Variants in TNS3 observed in about 807,000 individuals in gnomAD.
The protein encoded by TNS3 is tensin 3, also known as tensin-3.
Under a neutral mutation model 140.9 loss-of-function variants are expected in TNS3, and 45 were observed. The ratio of observed to expected loss-of-function variants is 0.32; its 90% CI spans 0.25 to 0.41. The LOEUF (loss-of-function observed/expected upper bound fraction) is 0.41, where lower values mean the gene tolerates loss of function less well. TNS3 is among the 10% of genes least tolerant of loss of function. The pLI, the probability that TNS3 is intolerant of heterozygous loss-of-function variation, is 1.00. For synonymous variants in TNS3, 815 were observed against 788.4 expected (o/e 1.03, Z -0.56); for missense variants, 1,716 against 1,906.7 (o/e 0.90, Z 1.86).
At chr7:47,570,403 C>T (rs1000613499) in intron 1 of TNS3, among the ~76,000 whole-genome samples, 1 of 152,230 alleles carries the variant, frequency 6.6e-6, no homozygotes, top group Non-Finnish European at 1.5e-5. Flanking sequence ...GGACATTTGT[C>T]ATCAACTTTC....
At chr7:47,398,695 G>GA (rs1792975546) in intron 15 of TNS3, among the ~76,000 whole-genome samples, 1 of 152,136 alleles carries the variant, frequency 6.6e-6, no homozygotes, top group Non-Finnish European at 1.5e-5. Context: ...AGCCATGTAT[G>GA]ACAAACCCAT....
chr7:47,564,097 A>G (rs1416322750), intron 1 of TNS3, among the ~76,000 whole-genome samples: 1 of 150,900 alleles, frequency 6.6e-6, no homozygotes, highest in Non-Finnish European at 1.5e-5. Context: ...AGGAGGCTGA[A>G]GCAGGAGAAT....
At chr7:47,516,416 T>C (rs1180889962) in intron 2 of TNS3, among the ~76,000 whole-genome samples, 4 of 150,772 alleles carry the variant, frequency 2.7e-5, no homozygotes, top group African/African-American at 9.8e-5. Context: ...CCTGCCTCTG[T>C]CCCATCTAAA....
chr7:47,354,272 G>C (rs1292794469), intron 17 of TNS3, among the ~76,000 whole-genome samples: 1 of 152,194 alleles, frequency 6.6e-6, no homozygotes, highest in Non-Finnish European at 1.5e-5. Flanking sequence ...TGTCACCTCT[G>C]GAAGGAGCTG....
chr7:47,320,087 G>T (rs1453925631), intron 20 of TNS3, among the ~76,000 whole-genome samples: 17 of 152,112 alleles, frequency 1.1e-4, no homozygotes, highest in Admixed American at 1.1e-3. Context: ...TTTTATCTTT[G>T]TTCAGAAAAC....
intron 20 of TNS3, among the ~76,000 whole-genome samples, chr7:47,320,229 C>T (rs1479219207): frequency 2.0e-5 from 3 of 152,120 alleles, no homozygotes; most frequent in Admixed American, 6.6e-5. Context: ...GTGAGGAGGC[C>T]GAGGCTTCAG....
chr7:47,567,721 G>T (rs1427850199), intron 1 of TNS3, among the ~76,000 whole-genome samples: 1 of 151,346 alleles, frequency 6.6e-6, no homozygotes, highest in African/African-American at 2.4e-5. Flanking sequence ...AGACACTTGG[G>T]TGTAAATCTG....
At chr7:47,557,243 C>T (rs1800219374) in intron 1 of TNS3, 2 of 418,234 alleles carry the variant, frequency 4.8e-6, no homozygotes, top group South Asian at 3.4e-5. Flanking sequence ...GCTGACTTTT[C>T]GTCTTTCCTC....
intron 3 of TNS3, among the ~76,000 whole-genome samples, chr7:47,498,510 TC>T: frequency 6.6e-6 from 1 of 152,368 alleles, no homozygotes; most frequent in African/African-American, 2.4e-5. Context: ...ATGTGTTGTT[TC>T]ATCTGTTACA....
intron 16 of TNS3, among the ~76,000 whole-genome samples, chr7:47,374,029 C>T (rs1017599769): frequency 2.0e-5 from 3 of 152,174 alleles, no homozygotes; most frequent in East Asian, 3.9e-4. Flanking sequence ...CCGTGAGAGG[C>T]GGGAGCAGGG....
At chr7:47,492,370 C>T (rs1016460605) in intron 3 of TNS3, among the ~76,000 whole-genome samples, 1 of 152,350 alleles carries the variant, frequency 6.6e-6, no homozygotes, top group East Asian at 1.9e-4. Flanking sequence ...GCACGGTAGA[C>T]TCCAGGGCCT....
chr7:47,418,375 T>C lies in TNS3; in HGVS notation c.474-3169A>G, dbSNP rs547109939. On this transcript the variant is annotated intron_variant, in intron 10 of 30. Transcript: ENST00000311160. ...CACAATTAGTTCATCCAGCTGACTATGGAAAGGATCAACTTTAACTTCGTA... is the reference window on the plus strand; with the variant it reads ...CACAATTAGTTCATCCAGCTGACTACGGAAAGGATCAACTTTAACTTCGTA... Among the ~76,000 whole-genome samples, 27 of 152,286 alleles carry C rather than the reference T, an allele frequency of 1.8e-4. No homozygotes were observed. In the South Asian group the frequency reaches 5.6e-3, roughly 32 times the overall value.
intron 4 of TNS3, among the ~76,000 whole-genome samples, chr7:47,462,409 C>CG (rs1796527593): frequency 6.6e-6 from 1 of 152,148 alleles, no homozygotes; most frequent in Non-Finnish European, 1.5e-5. Flanking sequence ...TAAGCCACTG[C>CG]GCCTGGCCGA....
chr7:47,434,303 C>A (rs1281417643), intron 8 of TNS3, among the ~76,000 whole-genome samples: 2 of 132,492 alleles, frequency 1.5e-5, no homozygotes, highest in Non-Finnish European at 3.4e-5. Context: ...GTAAAAGAGT[C>A]CGGAAGAAAA....
chr7:47,565,381 T>C (rs1800407791), intron 1 of TNS3, among the ~76,000 whole-genome samples: 1 of 151,260 alleles, frequency 6.6e-6, no homozygotes, highest in Non-Finnish European at 1.5e-5. Flanking sequence ...GGCCTTTTTT[T>C]TTGGAGACAG....
intron 4 of TNS3, among the ~76,000 whole-genome samples, chr7:47,463,986 A>G (rs140216788): frequency 5.3e-5 from 8 of 152,312 alleles, no homozygotes; most frequent in Non-Finnish European, 1.0e-4. Context: ...TTACTCTAAC[A>G]TTATTAAAAG....
intron 13 of TNS3, among the ~76,000 whole-genome samples, chr7:47,402,110 G>A (rs1374205432): frequency 6.6e-6 from 1 of 152,220 alleles, no homozygotes; most frequent in Admixed American, 6.5e-5. Flanking sequence ...CTAACCAGAT[G>A]AACATCCACC....
At chr7:47,486,018 G>C (rs1332275445) in intron 3 of TNS3, among the ~76,000 whole-genome samples, 1 of 151,570 alleles carries the variant, frequency 6.6e-6, no homozygotes, top group African/African-American at 2.4e-5. Context: ...GTGGAGGTGA[G>C]TGTGTGTGGG....
At chr7:47,475,367 G>A (rs961926731) in intron 4 of TNS3, among the ~76,000 whole-genome samples, 4 of 152,260 alleles carry the variant, frequency 2.6e-5, no homozygotes, top group African/African-American at 9.6e-5. Context: ...GGCCAAGCAA[G>A]AACAATCACA....
Sources: allele counts gnomAD v4.1 joint callset (sites outside exome capture counted in the v4.1 genomes callset), GRCh38; gene constraint gnomAD v4.1.1; transcripts MANE v1.5; gene names NCBI Gene and HGNC (gene_info 2026-07-23, HGNC 2026-07-21).